Variants in WDR89 observed in about 807,000 individuals in gnomAD.
WDR89 encodes WD repeat domain 89, also known as WD repeat-containing protein 89.
Under a neutral mutation model 29.1 loss-of-function variants are expected in WDR89, and 17 were observed. That is an observed-to-expected ratio of 0.58 (90% CI 0.40 to 0.88). WDR89 has a LOEUF of 0.88. WDR89 is among the 40% of genes least tolerant of loss of function. The probability of loss-of-function intolerance (pLI) is 0.00; values close to 1 mark genes in which losing one functional copy is unlikely to be tolerated. For synonymous variants in WDR89, 138 were observed against 157.8 expected, an observed-to-expected ratio of 0.87 and a Z score of 0.94; for missense variants, 396 against 456.3, an observed-to-expected ratio of 0.87 and a Z score of 1.20.
chr14:63,602,772 C>CAA (rs10638554), intron 2 of WDR89, among the ~76,000 whole-genome samples: 6,862 of 101,714 alleles, frequency 0.067, 562 homozygotes, highest in African/African-American at 0.2. Flanking sequence ...AACTCCATCT[C>CAA]AAAAAAAAAA....
At position 63,598,561 on chromosome 14, in the gene WDR89, A is replaced by T. The variant is rs1894891275; in HGVS notation, c.*218T>A. The T allele has an allele frequency of 2.7e-6, 1 of 371,398 alleles. No homozygotes were observed. The allele number at this position is 371,398 out of a possible 1,614,324, so 23.0% of individuals were successfully genotyped here. A position where few individuals can be genotyped will look rare whatever the true frequency, so the allele number is the denominator to read the frequency against. Reference sequence around the variant, plus strand: ...TTAACAGATGGGTTCTTTAAATAAGAAATTTTACTTTCAACTCACTGATTT... The same window carrying T: ...TTAACAGATGGGTTCTTTAAATAAGTAATTTTACTTTCAACTCACTGATTT... On this transcript the variant is annotated 3_prime_UTR_variant, in exon 3 of 3. Transcript: ENST00000620954.
intron 2 of WDR89, among the ~76,000 whole-genome samples, chr14:63,613,266 A>C (rs1882100573): frequency 6.6e-6 from 1 of 152,150 alleles, no homozygotes; most frequent in African/African-American, 2.4e-5. Context: ...TGTAGTTTTA[A>C]AACTCCAAAT....
chr14:63,619,021 A>G (rs963208962), intron 2 of WDR89, among the ~76,000 whole-genome samples: 2 of 152,204 alleles, frequency 1.3e-5, no homozygotes, highest in Non-Finnish European at 2.9e-5. Context: ...TAGAACAGAG[A>G]TATTTTATGT....
intron 2 of WDR89, among the ~76,000 whole-genome samples, chr14:63,623,460 T>C (rs1165438069): frequency 1.3e-5 from 2 of 151,978 alleles, no homozygotes; most frequent in South Asian, 2.1e-4. Context: ...TCCCAGCACT[T>C]TGGGAGGCTG....
intron 2 of WDR89, among the ~76,000 whole-genome samples, chr14:63,619,057 C>T (rs116004258): frequency 5.1e-4 from 78 of 152,188 alleles, no homozygotes; most frequent in African/African-American, 1.8e-3. Flanking sequence ...AATCATGGAG[C>T]GAATGCCTCC....
In WDR89 at chr14:63,598,828, CGTT is replaced by C. The variant is rs1566787316; in HGVS notation, c.1112_1114del (p.Gln371del). The C allele has an allele frequency of 5.0e-6, 8 of 1,611,242 alleles. No homozygotes were observed. The Admixed American group carries it at 5.1e-5, about 10-fold the overall frequency. On this transcript the variant is annotated inframe_deletion, in exon 3 of 3. Transcript: ENST00000620954. ...AGAATCATTACTATGAACTCGTACT[CGTT>C]GGTGCACAGAGGATGCTATTTTCAT...
chr14:63,633,699 A>C (rs1190641546), intron 1 of WDR89, among the ~76,000 whole-genome samples: 3 of 152,252 alleles, frequency 2.0e-5, no homozygotes, highest in Non-Finnish European at 2.9e-5. Flanking sequence ...TAATGAGGGA[A>C]GATCAGAATC....
At position 63,599,550 on chromosome 14, in the gene WDR89, A is replaced by G; in HGVS notation, c.393T>C (p.Cys131=). Residue 131 remains cysteine (C), a synonymous_variant, in exon 3 of 3, where the codon TGT becomes TGC. Coordinates refer to ENST00000620954, the MANE Select transcript of WDR89 (RefSeq NM_080666.4). ...FDINCNDHII[C]AGTEKVDDDA... The stretch of plus-strand genomic sequence containing the variant: ...CATCATCAACTTTTTCTGTACCAGC[A>G]CAAATAATATGATCATTACAATTAA... The G allele has an allele frequency of 6.2e-7, 1 of 1,614,196 alleles. No individual in the cohort carries two copies. Among genetic ancestry groups the G allele is most frequent in the Non-Finnish European group, 8.5e-7 (1 of 1,180,022 alleles).
intron 2 of WDR89, among the ~76,000 whole-genome samples, chr14:63,619,400 T>G (rs775584118): frequency 6.6e-6 from 1 of 152,198 alleles, no homozygotes; most frequent in Non-Finnish European, 1.5e-5. Flanking sequence ...GTCTCTACTA[T>G]TCTTCTATAC....
At chr14:63,639,494 C>T (rs906617954) in intron 1 of WDR89, among the ~76,000 whole-genome samples, 9 of 151,160 alleles carry the variant, frequency 6.0e-5, no homozygotes, top group Admixed American at 5.3e-4. Context: ...GTGTGTTATT[C>T]GAAGTCACTA....
rs371031914 is a variant in WDR89, at chr14:63,620,265, C to A, written c.-32+4663G>T. The stretch of plus-strand genomic sequence containing the variant: ...ATACTACCTCAGCCTTAAAAAAGAA[C>A]AAAATCCTGTCATTTGTGAAACAGG... On this transcript the variant is annotated intron_variant, in intron 2 of 2. Coordinates refer to ENST00000620954, the MANE Select transcript of WDR89 (RefSeq NM_080666.4). Among the ~76,000 whole-genome samples, 15 of 152,204 alleles carry A rather than the reference C, an allele frequency of 9.9e-5. No individual in the cohort carries two copies. The East Asian group carries it at 2.1e-3, about 22-fold the overall frequency.
chr14:63,613,752 G>A (rs901301518), intron 2 of WDR89, among the ~76,000 whole-genome samples: 2 of 150,836 alleles, frequency 1.3e-5, no homozygotes, highest in African/African-American at 4.9e-5. Flanking sequence ...CACCCACCTT[G>A]GCCTCCCAAA....
chr14:63,640,482 AT>A (rs1884034821), intron 1 of WDR89, among the ~76,000 whole-genome samples: 3 of 148,474 alleles, frequency 2.0e-5, no homozygotes, highest in Admixed American at 2.0e-4. Context: ...GGTGTGTTTT[AT>A]TGACTTTTTT....
Position 63,641,864 on chromosome 14 carries a change from A to G in WDR89, c.-198T>C, listed in dbSNP as rs61985669. ...GCTGCGCGGCGGCTTAGAGCGGTCA[A>G]GTGGAACCCCGCCTCGACCTCTCTG... On this transcript the variant is annotated 5_prime_UTR_variant, in exon 1 of 3. Coordinates refer to ENST00000620954, the MANE Select transcript of WDR89 (RefSeq NM_080666.4). The G allele has an allele frequency of 6.6e-6, 1 of 152,226 alleles. No individual in the cohort carries two copies. Among genetic ancestry groups the G allele is most frequent in the Non-Finnish European group, 1.5e-5 (1 of 68,082 alleles). 9.4% of individuals were successfully genotyped at this position (152,226 alleles called of 1,614,324 possible). A position where few individuals can be genotyped will look rare whatever the true frequency, so the allele number is the denominator to read the frequency against.
intron 2 of WDR89, among the ~76,000 whole-genome samples, chr14:63,619,611 T>A (rs1882544523): frequency 6.6e-6 from 1 of 152,160 alleles, no homozygotes; most frequent in African/African-American, 2.4e-5. Flanking sequence ...GAATTGGTTA[T>A]TTTTAAGCAC....
intron 1 of WDR89, 140 bp downstream of exon 1, chr14:63,641,664 T>C (rs368942397): frequency 6.6e-6 from 1 of 152,476 alleles, no homozygotes; most frequent in African/African-American, 2.4e-5. Flanking sequence ...GCACACTCCG[T>C]CCAGACCTCC....
At chr14:63,620,300 G>C (rs576894053) in intron 2 of WDR89, among the ~76,000 whole-genome samples, 2 of 152,238 alleles carry the variant, frequency 1.3e-5, no homozygotes, top group South Asian at 4.1e-4. Context: ...GGATAAATTT[G>C]CAGGACATTA....
At chr14:63,617,050 G>A (rs1595027139) in intron 2 of WDR89, among the ~76,000 whole-genome samples, 1 of 148,388 alleles carries the variant, frequency 6.7e-6, no homozygotes, top group South Asian at 2.1e-4. Context: ...TATGTTGTTG[G>A]TATATTATTA....
chr14:63,616,797 A>C (rs998153333), intron 2 of WDR89, among the ~76,000 whole-genome samples: 25 of 152,224 alleles, frequency 1.6e-4, no homozygotes, highest in Non-Finnish European at 2.9e-5. Context: ...AGAGACACTG[A>C]GAATGGGTTC....
Sources: gnomAD v4.1 joint callset for allele counts (sites outside exome capture counted in the v4.1 genomes callset) on GRCh38, gnomAD v4.1.1 for gene constraint, MANE v1.5 for transcripts, NCBI Gene and HGNC (gene_info 2026-07-23, HGNC 2026-07-21) for gene names.